Variants in C4orf50 observed in about 807,000 individuals in gnomAD.
C4orf50 encodes the protein uncharacterized protein C4orf50.
C4orf50 carries 80 observed loss-of-function variants against 77.2 expected under a neutral mutation model. The ratio of observed to expected loss-of-function variants is 1.04; its 90% confidence interval spans 0.87 to 1.25. C4orf50 has a LOEUF of 1.25. C4orf50 is among the 50% of genes most tolerant of loss of function. The pLI, the probability that C4orf50 is intolerant of heterozygous loss-of-function variation, is 0.00. For synonymous variants in C4orf50, 532 were observed against 465.3 expected (o/e 1.14, Z -1.84); for missense variants, 1,257 against 1,152.9 (o/e 1.09, Z -1.31).
chr4:5,955,289 A>G (rs921569305), downstream of C4orf50, among the ~76,000 whole-genome samples: 2 of 152,078 alleles, frequency 1.3e-5, no homozygotes, highest in Non-Finnish European at 2.9e-5. The surrounding 1 kb of genome is among the most constrained non-coding windows in gnomAD (Gnocchi z 5.1). Context: ...TTTACAGATG[A>G]AATCACCGAG....
chr4:6,006,378 G>C (rs1271933398), intron 25 of C4orf50, among the ~76,000 whole-genome samples: 1 of 152,198 alleles, frequency 6.6e-6, no homozygotes, highest in Non-Finnish European at 1.5e-5. Flanking sequence ...TGGGAGCTGA[G>C]TTAGTGCTTC....
chr4:5,972,815 G>A (rs1577950637), intron 31 of C4orf50, among the ~76,000 whole-genome samples: 1 of 152,186 alleles, frequency 6.6e-6, no homozygotes, highest in South Asian at 2.1e-4. Flanking sequence ...TTGCTGGCTT[G>A]TCCCCAGGAA....
chr4:5,931,902 C>T (rs150707810), intron 7 of C4orf50, among the ~76,000 whole-genome samples: 255 of 152,210 alleles, frequency 1.7e-3, no homozygotes, highest in Non-Finnish European at 2.7e-3. Flanking sequence ...GCAGAGCACA[C>T]AGAGAAGGGG....
exon 28 of C4orf50, chr4:5,989,312 G>A (rs989944137): frequency 6.5e-7 from 1 of 1,535,906 alleles, no homozygotes; most frequent in Non-Finnish European, 8.7e-7. Flanking sequence ...GGCTCAGCAG[G>A]CCCCTGTGGA....
chr4:5,960,263 TG>T (rs560736891), intron 33 of C4orf50, among the ~76,000 whole-genome samples: 1 of 152,220 alleles, frequency 6.6e-6, no homozygotes, highest in Non-Finnish European at 1.5e-5. Context: ...ATTGTACCTG[TG>T]ATCCCTTCAC....
intron 7 of C4orf50, among the ~76,000 whole-genome samples, chr4:5,946,545 A>G (rs1217415041): frequency 2.0e-5 from 3 of 152,240 alleles, no homozygotes; most frequent in African/African-American, 7.2e-5. Flanking sequence ...TCCAAGCTGG[A>G]CATGCTCACA....
rs114939543 is a variant in C4orf50 at position 5,972,972 on chromosome 4, C to T, written c.4104+687G>A. Among the ~76,000 whole-genome samples the T allele has an allele frequency of 4.4e-3, 665 of 152,362 alleles. 4 individuals carry two copies. The highest frequency in any genetic ancestry group is 0.015 in the African/African-American group (629 of 41,584). On this transcript the variant is annotated intron_variant, in intron 31 of 33. Transcript: ENST00000531445. ...ACCTCTCTGGCCTCAGCTTCCTCTTCTGTTGACCACTGGGAGAGGAGATTC... is the reference window on the plus strand; with the variant it reads ...ACCTCTCTGGCCTCAGCTTCCTCTTTTGTTGACCACTGGGAGAGGAGATTC...
intron 7 of C4orf50, chr4:5,899,931 C>T (rs546685695): frequency 6.6e-6 from 1 of 152,238 alleles, no homozygotes. Context: ...TTCAAATGAC[C>T]TGGAGGGGGT....
chr4:5,906,644 G>A (rs1716561528), intron 7 of C4orf50, among the ~76,000 whole-genome samples: 1 of 152,194 alleles, frequency 6.6e-6, no homozygotes, highest in African/African-American at 2.4e-5. Context: ...GCCAGGCTTT[G>A]CTGCAATGCT....
chr4:5,912,990 G>A (rs1051572441), intron 7 of C4orf50, among the ~76,000 whole-genome samples: 1 of 152,178 alleles, frequency 6.6e-6, no homozygotes, highest in African/African-American at 2.4e-5. Context: ...TGCTCACAGG[G>A]GAGTCATTTC....
In C4orf50 at chr4:6,013,013, C is replaced by T. The variant is rs373946993; in HGVS notation, c.288-1045G>A. Among the ~76,000 whole-genome samples, 559 of 152,318 alleles carry T rather than the reference C, an allele frequency of 3.7e-3. 1 individual carries two copies. Among genetic ancestry groups the T allele is most frequent in the African/African-American group, 0.012 (509 of 41,570 alleles). On this transcript the variant is annotated intron_variant, in intron 23 of 33. Coordinates refer to ENST00000531445, the Ensembl canonical transcript of C4orf50. Reference sequence around the variant, plus strand: ...TGCCCTGGGTGAAGAACTAGCTTTGCCTGCTGGCTCTGCCATTCACCAGCC... The same window carrying T: ...TGCCCTGGGTGAAGAACTAGCTTTGTCTGCTGGCTCTGCCATTCACCAGCC...
intron 33 of C4orf50, among the ~76,000 whole-genome samples, chr4:5,963,000 C>CTTTTTTTTTTTTTTTTTT (rs370272649): frequency 2.7e-5 from 4 of 146,086 alleles, no homozygotes; most frequent in East Asian, 2.2e-4. Context: ...TTTTTCTTTT[C>CTTTTTTTTTTTTTTTTTT]TTTTTTTTTT....
rs921736877 is a variant in C4orf50 at position 6,015,779 on chromosome 4, T to C, written c.287+2366A>G. On this transcript the variant is annotated intron_variant, in intron 23 of 33. Transcript: ENST00000531445. The surrounding 1 kb of genome is among the most constrained non-coding windows in gnomAD (Gnocchi z 4.4). ...AGCTGCATTCCTGGGCTCCTGGCCC[T>C]GCCTTCATCTTTGGAGCCAGCTGCA... 6.6e-6 allele frequency among the ~76,000 whole-genome samples: 1 copy of C among 152,224 alleles called. No homozygotes were observed. The highest frequency in any genetic ancestry group is 6.5e-5 in the Admixed American group (1 of 15,288).
downstream of C4orf50, among the ~76,000 whole-genome samples, chr4:5,952,403 G>A (rs907766359): frequency 2.6e-5 from 4 of 152,214 alleles, no homozygotes; most frequent in Non-Finnish European, 5.9e-5. This position sits in a 1 kb window ranked among gnomAD's most constrained non-coding sequence, Gnocchi z 4.4. Context: ...TCCTGGAAGG[G>A]CTGGCAGTGG....
At chr4:6,013,044 G>A (rs1052342639) in intron 23 of C4orf50, among the ~76,000 whole-genome samples, 1 of 152,222 alleles carries the variant, frequency 6.6e-6, no homozygotes, top group African/African-American at 2.4e-5. Context: ...CAGCCATGGG[G>A]TCTTAACAGG....
intron 29 of C4orf50, among the ~76,000 whole-genome samples, 161 bp downstream of exon 7, chr4:5,980,013 T>G (rs1227357873): frequency 2.0e-5 from 3 of 150,966 alleles, no homozygotes; most frequent in Non-Finnish European, 4.4e-5. Flanking sequence ...TGGTTTTTTG[T>G]TGTTTTTTTT....
At chr4:5,963,207 C>T (rs1394106977) in intron 33 of C4orf50, among the ~76,000 whole-genome samples, 1 of 151,980 alleles carries the variant, frequency 6.6e-6, no homozygotes, top group Non-Finnish European at 1.5e-5. Context: ...CCATGTTGGC[C>T]AGCTAGTCTC....
At chr4:5,973,744 A>G (rs1720073197) in exon 31 of C4orf50, 7 of 1,613,980 alleles carry the variant, frequency 4.3e-6, no homozygotes, top group Non-Finnish European at 5.9e-6. Context: ...CTCGGAGAGC[A>G]GGAGGTTCCC....
chr4:5,909,122 T>A (rs1353396029), intron 7 of C4orf50, among the ~76,000 whole-genome samples: 1 of 152,226 alleles, frequency 6.6e-6, no homozygotes, highest in Admixed American at 6.5e-5. Context: ...GCTTTTAGGA[T>A]GCAGCCTAAC....
Sources: allele counts gnomAD v4.1 joint callset (sites outside exome capture counted in the v4.1 genomes callset), GRCh38; gene constraint gnomAD v4.1.1; non-coding constraint Gnocchi (gnomAD v3.1); transcripts MANE v1.5; gene names NCBI Gene and HGNC (gene_info 2026-07-23, HGNC 2026-07-21).